Variants in COL20A1 observed in about 807,000 individuals in gnomAD.
The protein encoded by COL20A1 is collagen alpha-1(XX) chain.
In COL20A1, 164 loss-of-function variants were observed where a neutral mutation model predicts 152.9. The ratio of observed to expected loss-of-function variants is 1.07; its 90% CI spans 0.94 to 1.22. The LOEUF (loss-of-function observed/expected upper bound fraction) is 1.22, where lower values mean the gene tolerates loss of function less well. Ranked by LOEUF, COL20A1 falls within the 50% of genes most tolerant of loss-of-function variation. The pLI is 0.00. For missense variants in COL20A1, 1,873 were observed against 1,744.8 expected (o/e 1.07, Z -1.31); for synonymous variants, 864 against 756.0 (o/e 1.14, Z -2.34).
intron 2 of COL20A1, among the ~76,000 whole-genome samples, chr20:63,296,659 A>G (rs2067797688): frequency 6.6e-6 from 1 of 152,170 alleles, no homozygotes. Flanking sequence ...TGACGTTCTC[A>G]GGCAGAGTGG....
At chr20:63,295,374 AGCCTC>A (rs2067774422) in intron 2 of COL20A1, among the ~76,000 whole-genome samples, 185 bp downstream of exon 2, 1 of 152,242 alleles carries the variant, frequency 6.6e-6, no homozygotes, top group Non-Finnish European at 1.5e-5. Context: ...CCAAACCTTC[AGCCTC>A]GCCTTGGGAG....
At position 63,306,254 on chromosome 20, in the gene COL20A1, CG is replaced by C; in HGVS notation, c.496+216del. 1.3e-5 allele frequency among the ~76,000 whole-genome samples: 1 copy of C among 75,666 alleles called. No homozygotes were observed. 49.6% of individuals were successfully genotyped at this position (75,666 alleles called of 152,430 possible). ...TGTCTGACCACACGGTCTCTGACCA[CG>C]AGGCCGGGAAGTTCTTCCTCGTGTC... On this transcript the variant is annotated intron_variant, in intron 5 of 35. Coordinates refer to ENST00000358894, the MANE Select transcript of COL20A1 (RefSeq NM_020882.4). This position sits in a 1 kb window ranked among gnomAD's most constrained non-coding sequence, Gnocchi z 6.9.
chr20:63,307,008 G>A (rs1442315514), intron 5 of COL20A1, among the ~76,000 whole-genome samples: 4 of 152,228 alleles, frequency 2.6e-5, no homozygotes, highest in Non-Finnish European at 5.9e-5. Flanking sequence ...ATGGCTGCTG[G>A]CCTCGTTCAG....
rs1187370071 is a variant in COL20A1 at position 63,333,351 on chromosome 20, C to CT, written c.*2636dup. ...CGAGGTGGTGTGACGCAAGGCTGAT[C>CT]TGACGCTCAGCTCAGGCCGCTGGGG... is the stretch of plus-strand genomic sequence containing the variant. On this transcript the variant is annotated 3_prime_UTR_variant, in exon 36 of 36. Coordinates refer to ENST00000358894, the MANE Select transcript of COL20A1 (RefSeq NM_020882.4). 6.6e-6 allele frequency: 1 copy of CT among 152,358 alleles called. No individual in the cohort carries two copies. The highest frequency in any genetic ancestry group is 1.5e-5 in the Non-Finnish European group (1 of 68,132). 9.4% of individuals were successfully genotyped at this position (152,358 alleles called of 1,614,324 possible).
In COL20A1 at chr20:63,313,801, C is replaced by A. The variant is rs763344894; in HGVS notation, c.2268C>A (p.Ser756Arg). Residue 756 changes from serine to arginine, a missense_variant, in exon 18 of 36, where the codon AGC becomes AGA. By Grantham distance (110) the Ser-to-Arg change is moderately radical. Transcript: ENST00000358894. The surrounding 1 kb of genome is among the most constrained non-coding windows in gnomAD (Gnocchi z 5.9). ...CCCTGGCCTCGGAGACCCCCGACAG[C>A]CTGCAGGTCAGCTGGACGCCCCCGC... ...NLALASETPDSLQVSWTPPLG... is the reference protein window; with the variant it reads ...NLALASETPDRLQVSWTPPLG... 3 of 1,610,962 alleles carry A rather than the reference C, an allele frequency of 1.9e-6. No homozygotes were observed. Among genetic ancestry groups the A allele is most frequent in the Non-Finnish European group, 1.7e-6 (2 of 1,179,194 alleles).
rs374805035 is a variant in COL20A1 at position 63,307,667 on chromosome 20, C to G, written c.655+19C>G. The G allele has an allele frequency of 2.5e-6, 4 of 1,604,714 alleles. No individual in the cohort carries two copies. The East Asian group carries it at 8.9e-5, about 36-fold the overall frequency. On this transcript the variant is annotated intron_variant, in intron 6 of 35. Transcript: ENST00000358894. ...CAAGTAGGTGGGTGCTGGCCCGGCC[C>G]GCCTCCTGCCCCACCCGGGTGTGGT...
At position 63,315,411 on chromosome 20, in the gene COL20A1, A is replaced by G. The variant is rs370290096; in HGVS notation, c.2496A>G (p.Pro832=). 3 of 1,577,798 alleles carry G rather than the reference A, an allele frequency of 1.9e-6. No homozygotes were observed. In the African/African-American group the frequency reaches 4.0e-5, roughly 21 times the overall value. ...AVSATGQTAC[P]ALRPDGSLPG... is the part of the protein sequence containing the mutation. ...CCTGTCTCCTCTCAGCAGCCTGCCC[A>G]GCCCTCCGCCCTGACGGCTCCCTCC... Residue 832 remains proline, a synonymous_variant, in exon 20 of 36, where the codon CCA becomes CCG. Transcript: ENST00000358894.
chr20:63,309,795 C>A lies in COL20A1; in HGVS notation c.1143C>A (p.Thr381=). The A allele has an allele frequency of 6.2e-7, 1 of 1,604,848 alleles. No individual in the cohort carries two copies. Among genetic ancestry groups the A allele is most frequent in the Non-Finnish European group, 8.5e-7 (1 of 1,176,590 alleles). The change falls in exon 10 of 36, where the codon ACC becomes ACA. Residue 381 remains threonine, a synonymous_variant. Coordinates refer to ENST00000358894, the MANE Select transcript of COL20A1 (RefSeq NM_020882.4). ...APALDTLPAP[T]SLVLSQVTSS... is the part of the protein sequence containing the mutation. ...CCCTGGACACCCTCCCTGCCCCCAC[C>A]AGCCTGGTCCTGAGCCAGGTGACCT...
chr20:63,326,157 C>G lies in COL20A1; in HGVS notation c.3456+8C>G, dbSNP rs1254137599. ...GGACCCCCTGGCCCCAGGGTAGGCACCGACCTCCCATGACCCCGACCCCCA... is the reference window on the plus strand; with the variant it reads ...GGACCCCCTGGCCCCAGGGTAGGCAGCGACCTCCCATGACCCCGACCCCCA... On this transcript the variant is annotated splice_region_variant and intron_variant, in intron 30 of 35. Coordinates refer to ENST00000358894, the MANE Select transcript of COL20A1 (RefSeq NM_020882.4). 2.5e-6 allele frequency: 4 copies of G among 1,609,764 alleles called. No individual in the cohort carries two copies. The highest frequency in any genetic ancestry group is 3.4e-6 in the Non-Finnish European group (4 of 1,177,164).
intron 5 of COL20A1, among the ~76,000 whole-genome samples, chr20:63,307,127 C>T (rs1030811714): frequency 5.9e-5 from 9 of 152,222 alleles, no homozygotes; most frequent in African/African-American, 7.2e-5. Context: ...GCCTCCACAG[C>T]GCCGCGCTGC....
chr20:63,325,988 T>C (rs894809362), intron 29 of COL20A1, 108 bp from the exon 30 acceptor site: 97 of 1,033,810 alleles, frequency 9.4e-5, no homozygotes, highest in Non-Finnish European at 1.3e-4. Context: ...GCCTCACCTT[T>C]GCTGCTTGGG....
Position 63,313,767 on chromosome 20 carries a change from C to T in COL20A1, c.2234C>T (p.Ser745Phe), listed in dbSNP as rs749059137. 1.2e-6 allele frequency: 2 copies of T among 1,604,446 alleles called. No homozygotes were observed. Among genetic ancestry groups the T allele is most frequent in the Non-Finnish European group, 1.7e-6 (2 of 1,176,042 alleles). ...GCCACGGTGAGCAGGAGCCCACCCTCCAACCTGGCCCTGGCCTCGGAGACC... is the reference window on the plus strand; with the variant it reads ...GCCACGGTGAGCAGGAGCCCACCCTTCAACCTGGCCCTGGCCTCGGAGACC... ...TPSTVSRSPPSNLALASETPD... is the reference protein window; with the variant it reads ...TPSTVSRSPPFNLALASETPD... The change falls in exon 18 of 36, where the codon TCC becomes TTC. Residue 745 changes from serine (S) to phenylalanine (F), a missense_variant. Transcript: ENST00000358894. The surrounding 1 kb of genome is among the most constrained non-coding windows in gnomAD (Gnocchi z 5.9).
At chr20:63,316,746 AT>A in intron 21 of COL20A1, 55 bp downstream of exon 21, 1 of 1,229,116 alleles carries the variant, frequency 8.1e-7, no homozygotes, top group South Asian at 1.5e-5. Flanking sequence ...GCCGCTGAAG[AT>A]TAGGAGGACA....
At position 63,312,838 on chromosome 20, in the gene COL20A1, G is replaced by C. The variant is rs767429511; in HGVS notation, c.1980G>C (p.Gly660=). 6.4e-7 allele frequency: 1 copy of C among 1,561,132 alleles called. No individual in the cohort carries two copies. The highest frequency in any genetic ancestry group is 8.7e-7 in the Non-Finnish European group (1 of 1,152,714). ...PSQLSMTELP[G]DAVQLAWVAA... ...AGCTGTCCATGACGGAGCTGCCAGG[G>C]GATGCAGTCCAGCTGGCGTGGGTGG... The change falls in exon 16 of 36, where the codon GGG becomes GGC. Residue 660 remains glycine, a synonymous_variant. Transcript: ENST00000358894.
In COL20A1 at chr20:63,312,726, T is replaced by C. The variant is rs1352824262; in HGVS notation, c.1934-66T>C. The C allele has an allele frequency of 4.4e-5, 65 of 1,481,390 alleles. No individual in the cohort carries two copies. The East Asian group carries it at 1.6e-3, about 36-fold the overall frequency. 91.8% of individuals were successfully genotyped at this position (1,481,390 alleles called of 1,614,324 possible). ...GGTATAGGGTGCTCCTGGGTGTGGC[T>C]GCCCCTCCTCTGAGGTGCCCAGGCT... On this transcript the variant is annotated intron_variant, in intron 15 of 35. Transcript: ENST00000358894.
rs1182956984 is a variant in COL20A1, at chr20:63,332,612, G to A, written c.*1896G>A. The stretch of plus-strand genomic sequence containing the variant: ...TGGCTGAGACCACATTGGCAGCCAG[G>A]AGGAGGCAGCCTGGCCGGGGGGAAC... On this transcript the variant is annotated 3_prime_UTR_variant, in exon 36 of 36. Coordinates refer to ENST00000358894, the MANE Select transcript of COL20A1 (RefSeq NM_020882.4). 6.6e-6 allele frequency: 1 copy of A among 152,258 alleles called. No individual in the cohort carries two copies. The highest frequency in any genetic ancestry group is 2.4e-5 in the African/African-American group (1 of 41,442). The allele number at this position is 152,258 out of a possible 1,614,324, so 9.4% of individuals were successfully genotyped here.
Position 63,325,480 on chromosome 20 carries a change from C to T in COL20A1, c.3334C>T (p.Leu1112Phe), listed in dbSNP as rs761880222. 1 of 1,612,666 alleles carries T rather than the reference C, an allele frequency of 6.2e-7. No homozygotes were observed. The highest frequency in any genetic ancestry group is 1.1e-5 in the South Asian group (1 of 91,008). ...GVKGEKGDHG[L>F]PGLQGHPGHQ... Reference sequence around the variant, plus strand: ...CAAAGGAGAGAAGGGAGACCATGGGCTTCCAGGCTTGCAGGTAGTGTGGCT... The same window carrying T: ...CAAAGGAGAGAAGGGAGACCATGGGTTTCCAGGCTTGCAGGTAGTGTGGCT... Residue 1112 changes from leucine to phenylalanine, a missense_variant, in exon 28 of 36, where the codon CTT becomes TTT. Coordinates refer to ENST00000358894, the MANE Select transcript of COL20A1 (RefSeq NM_020882.4).
intron 15 of COL20A1, 107 bp from the exon 16 acceptor site, chr20:63,312,685 G>T: frequency 1.4e-6 from 2 of 1,456,128 alleles, no homozygotes; most frequent in Non-Finnish European, 1.8e-6. Flanking sequence ...GCACCCGGAC[G>T]GGTGTGATGG....
Position 63,311,761 on chromosome 20 carries a change from AC to A in COL20A1, c.1663+17del, listed in dbSNP as rs1568775183. 1 of 1,582,504 alleles carries A rather than the reference AC, an allele frequency of 6.3e-7. No individual in the cohort carries two copies. The highest frequency in any genetic ancestry group is 1.3e-5 in the African/African-American group (1 of 74,290). On this transcript the variant is annotated intron_variant, in intron 13 of 35. Transcript: ENST00000358894. This position sits in a 1 kb window ranked among gnomAD's most constrained non-coding sequence, Gnocchi z 4.4. ...CGTGCCAGGACCCGTGAGTGCTCCA[AC>A]CCCGGCTGCCTGCCCACAGGCGGGT...
Sources: gnomAD v4.1 joint callset for allele counts (sites outside exome capture counted in the v4.1 genomes callset) on GRCh38, gnomAD v4.1.1 for gene constraint, Gnocchi (gnomAD v3.1) non-coding constraint, MANE v1.5 for transcripts, NCBI Gene and HGNC (gene_info 2026-07-23, HGNC 2026-07-21) for gene names.